LHX4: variants seen among roughly 807,000 people sequenced by gnomAD.
LHX4 encodes the protein LIM homeobox 4, also known as LIM/homeobox protein Lhx4.
In LHX4, 16 loss-of-function variants were observed where a neutral mutation model predicts 39.2. The ratio of observed to expected loss-of-function variants is 0.41; its 90% CI spans 0.28 to 0.62. LHX4 has a LOEUF of 0.62. LHX4 is among the 20% of genes least tolerant of loss of function. LHX4 has a pLI of 0.33. For missense variants in LHX4, 439 were observed against 511.9 expected (o/e 0.86, Z 1.37); for synonymous variants, 206 against 198.1 (o/e 1.04, Z -0.33).
chr1:180,269,503 C>CTG (rs1648499221), intron 3 of LHX4: 1 of 152,078 alleles, frequency 6.6e-6, no homozygotes, highest in South Asian at 2.1e-4. Flanking sequence ...GAAGAAAATC[C>CTG]TGTGTGTGTA....
chr1:180,233,811 G>A (rs1387431702), intron 1 of LHX4, among the ~76,000 whole-genome samples: 2 of 152,066 alleles, frequency 1.3e-5, no homozygotes, highest in Non-Finnish European at 2.9e-5. Context: ...CAGGCCTGGG[G>A]GTCTCTGTCC....
At chr1:180,263,696 G>T (rs760560268) in intron 2 of LHX4, among the ~76,000 whole-genome samples, 5 of 152,124 alleles carry the variant, frequency 3.3e-5, no homozygotes, top group Non-Finnish European at 5.9e-5. Flanking sequence ...AATCACTGTC[G>T]GTATGTAGAT....
rs1313766073 is a variant in LHX4 at position 180,278,656 on chromosome 1, T to C, written c.*4077T>C. ...CACCAACTTTCCCACTTGAGGACTG[T>C]GTTCGGCCAAACAAGCAGGTTCAGG... On this transcript the variant is annotated 3_prime_UTR_variant, in exon 6 of 6. Transcript: ENST00000263726. 6.6e-6 allele frequency: 1 copy of C among 151,338 alleles called. No individual in the cohort carries two copies. The highest frequency in any genetic ancestry group is 1.9e-4 in the East Asian group (1 of 5,130). 9.4% of individuals were successfully genotyped at this position (151,338 alleles called of 1,614,324 possible).
rs749716555 is a variant in LHX4, at chr1:180,232,841, C to G, written c.76+2236C>G. On this transcript the variant is annotated intron_variant, in intron 1 of 5. Transcript: ENST00000263726. The surrounding 1 kb of genome is among the most constrained non-coding windows in gnomAD (Gnocchi z 5.4). ...CAGTGGCCTAAGAAGGGGGGAAGCT[C>G]GAGGGGTTGTGGGGCACACCCTTGG... 1.4e-4 allele frequency among the ~76,000 whole-genome samples: 21 copies of G among 152,258 alleles called. No individual in the cohort carries two copies. Among genetic ancestry groups the G allele is most frequent in the Non-Finnish European group, 2.1e-4 (14 of 68,002 alleles).
chr1:180,239,278 A>G (rs1256404238), intron 1 of LHX4, among the ~76,000 whole-genome samples: 1 of 152,230 alleles, frequency 6.6e-6, no homozygotes, highest in Non-Finnish European at 1.5e-5. Context: ...TTAGAAAACC[A>G]TCTTCCTTCT....
intron 2 of LHX4, among the ~76,000 whole-genome samples, chr1:180,254,755 G>A (rs142154620): frequency 1.3e-4 from 20 of 152,300 alleles, no homozygotes; most frequent in Non-Finnish European, 2.8e-4. Flanking sequence ...ACCAAGCCTC[G>A]CTTTCCCATC....
chr1:180,230,615 C>G lies in LHX4; in HGVS notation c.76+10C>G. On this transcript the variant is annotated intron_variant, in intron 1 of 5. Coordinates refer to ENST00000263726, the MANE Select transcript of LHX4 (RefSeq NM_033343.4). The surrounding 1 kb of genome is among the most constrained non-coding windows in gnomAD (Gnocchi z 5.8). ...GGTGTGCCGATGCAACGTAAGACAC[C>G]CCCCTTTCTCGCTGATTTAATTCTA... is the stretch of plus-strand genomic sequence containing the variant. 1 of 1,610,392 alleles carries G rather than the reference C, an allele frequency of 6.2e-7. No homozygotes were observed. The highest frequency in any genetic ancestry group is 8.5e-7 in the Non-Finnish European group (1 of 1,176,928).
At chr1:180,253,267 C>T (rs1647702288) in intron 2 of LHX4, among the ~76,000 whole-genome samples, 4 of 152,190 alleles carry the variant, frequency 2.6e-5, no homozygotes, top group Admixed American at 6.5e-5. Flanking sequence ...GACCAGGGCC[C>T]AGAGAGAGTA....
chr1:180,239,997 CA>C (rs1438819513), intron 1 of LHX4, among the ~76,000 whole-genome samples: 1 of 152,130 alleles, frequency 6.6e-6, no homozygotes, highest in Non-Finnish European at 1.5e-5. Context: ...TCGAAAGGAG[CA>C]AGAAAAACCT....
At chr1:180,258,197 G>T (rs1427454366) in intron 2 of LHX4, among the ~76,000 whole-genome samples, 1 of 152,208 alleles carries the variant, frequency 6.6e-6, no homozygotes, top group Non-Finnish European at 1.5e-5. Flanking sequence ...GTGCTGTGGA[G>T]CAGGGAAGGA....
In LHX4 at chr1:180,255,560, G is replaced by A. The variant is rs767145360; in HGVS notation, c.248+7104G>A. Among the ~76,000 whole-genome samples the A allele has an allele frequency of 8.1e-4, 124 of 152,358 alleles. 2 individuals are homozygous for A. Among genetic ancestry groups the A allele is most frequent in the South Asian group, 1.2e-3 (6 of 4,830 alleles). On this transcript the variant is annotated intron_variant, in intron 2 of 5. Transcript: ENST00000263726. ...TTTTAAGGTAACGATCAGATGGTCC[G>A]GATAGTGGCTGTGCGTGTGGACATT...
intron 2 of LHX4, among the ~76,000 whole-genome samples, chr1:180,265,376 C>T (rs1050360719): frequency 2.0e-5 from 3 of 152,214 alleles, no homozygotes; most frequent in African/African-American, 7.2e-5. Context: ...CCTGCAGCCA[C>T]GCACCCTCCT....
In LHX4 at chr1:180,271,968, A is replaced by T. The variant is rs766381404; in HGVS notation, c.740A>T (p.Glu247Val). The stretch of plus-strand genomic sequence containing the variant: ...AAGCAGGAGAAGGAGAGCTCTGCAG[A>T]GGACTGTGGGGTTAGTGACAGTGAG... ...SSKQEKESSA[E>V]DCGVSDSELS... The change falls in exon 5 of 6, where the codon GAG becomes GTG. Residue 247 changes from glutamate to valine, a missense_variant. By Grantham distance (121) the Glu-to-Val change is moderately radical. Coordinates refer to ENST00000263726, the MANE Select transcript of LHX4 (RefSeq NM_033343.4). The T allele has an allele frequency of 6.8e-6, 11 of 1,613,074 alleles. No individual in the cohort carries two copies. In the Admixed American group the frequency reaches 1.8e-4, roughly 27 times the overall value.
chr1:180,231,592 G>C (rs946426886), intron 1 of LHX4, among the ~76,000 whole-genome samples: 1 of 150,082 alleles, frequency 6.7e-6, no homozygotes, highest in Admixed American at 6.6e-5. Flanking sequence ...AGCGCCGGGA[G>C]AGTCCTGCCC....
intron 3 of LHX4, among the ~76,000 whole-genome samples, chr1:180,268,225 T>C (rs1478716145): frequency 6.6e-6 from 1 of 152,184 alleles, no homozygotes; most frequent in Non-Finnish European, 1.5e-5. Context: ...TTTGGAAGTC[T>C]AGTGCCGTTC....
At chr1:180,250,799 G>A (rs1435695221) in intron 2 of LHX4, among the ~76,000 whole-genome samples, 5 of 152,218 alleles carry the variant, frequency 3.3e-5, no homozygotes, top group Admixed American at 2.0e-4. Flanking sequence ...CAGCGCAGGC[G>A]TGGGGTTGGG....
intron 2 of LHX4, chr1:180,248,829 G>A (rs914756255): frequency 6.1e-6 from 2 of 327,006 alleles, no homozygotes; most frequent in African/African-American, 4.3e-5. Context: ...GCATGTGGTT[G>A]TAACATTCCC....
rs184581233 is a variant in LHX4 at position 180,278,774 on chromosome 1, A to G, written c.*4195A>G. 1 of 151,944 alleles carries G rather than the reference A, an allele frequency of 6.6e-6. No homozygotes were observed. Among genetic ancestry groups the G allele is most frequent in the East Asian group, 1.9e-4 (1 of 5,164 alleles). 9.4% of individuals were successfully genotyped at this position (151,944 alleles called of 1,614,324 possible). On this transcript the variant is annotated 3_prime_UTR_variant, in exon 6 of 6. Coordinates refer to ENST00000263726, the MANE Select transcript of LHX4 (RefSeq NM_033343.4). Reference sequence around the variant, plus strand: ...TGGATCGTTGCCCTCATCCTTCACAATGTAAATTTTGTACAGTTAAAGAGA... The same window carrying G: ...TGGATCGTTGCCCTCATCCTTCACAGTGTAAATTTTGTACAGTTAAAGAGA...
Position 180,274,279 on chromosome 1 carries a change from C to T in LHX4, c.873C>T (p.Ser291=), listed in dbSNP as rs770596724. 4.3e-6 allele frequency: 7 copies of T among 1,614,226 alleles called. No individual in the cohort carries two copies. In the Admixed American group the frequency reaches 1.2e-4, roughly 27 times the overall value. The part of the protein sequence containing the change: ...TGGQLMNGSF[S]MDGTGQSYQD... ...GACAGTTAATGAATGGGAGCTTCTC[C>T]ATGGACGGGACAGGACAATCCTATC... Residue 291 remains serine (S), a synonymous_variant, in exon 6 of 6, where the codon TCC becomes TCT. Transcript: ENST00000263726.
Sources: allele counts gnomAD v4.1 joint callset (sites outside exome capture counted in the v4.1 genomes callset), GRCh38; gene constraint gnomAD v4.1.1; non-coding constraint Gnocchi (gnomAD v3.1); transcripts MANE v1.5; gene names NCBI Gene and HGNC (gene_info 2026-07-23, HGNC 2026-07-21).